The following C8orf34 variants were observed in gnomAD, a reference collection of about 807,000 sequenced individuals.
The protein encoded by C8orf34 is uncharacterized protein C8orf34.
A neutral mutation model predicts 68.3 loss-of-function variants in C8orf34; 65 were observed. The observed-to-expected ratio is 0.95, with a 90% CI of 0.78 to 1.17. The LOEUF is 1.17. Ranked by LOEUF, C8orf34 falls within the 50% of genes most tolerant of loss-of-function variation. The probability of loss-of-function intolerance (pLI) is 0.00; values close to 1 mark genes in which losing one functional copy is unlikely to be tolerated. For synonymous variants in C8orf34, 244 were observed against 241.2 expected, an observed-to-expected ratio of 1.01 and a Z score of -0.11; for missense variants, 664 against 655.4, an observed-to-expected ratio of 1.01 and a Z score of -0.14.
At chr8:68,794,793 G>A (rs1375537897) in intron 12 of C8orf34, among the ~76,000 whole-genome samples, 1 of 151,700 alleles carries the variant, frequency 6.6e-6, no homozygotes, top group Non-Finnish European at 1.5e-5. Context: ...GCCAGATTTT[G>A]GAATGTTTGT....
At chr8:68,546,514 A>G (rs186955895) in intron 7 of C8orf34, among the ~76,000 whole-genome samples, 181 of 152,060 alleles carry the variant, frequency 1.2e-3, no homozygotes, top group Non-Finnish European at 1.2e-3. Flanking sequence ...ACTAAAAAAA[A>G]AGAGACAAAT....
chr8:68,337,287 C>T (rs907545873), intron 1 of C8orf34, among the ~76,000 whole-genome samples: 5 of 152,070 alleles, frequency 3.3e-5, no homozygotes, highest in Admixed American at 1.3e-4. Context: ...ATTGTATGCC[C>T]ATGATAGGAT....
At chr8:68,780,863 A>G (rs1823655267) in intron 11 of C8orf34, among the ~76,000 whole-genome samples, 1 of 152,220 alleles carries the variant, frequency 6.6e-6, no homozygotes, top group South Asian at 2.1e-4. Context: ...AGCTGTGTAC[A>G]TAAAGGGAAT....
intron 3 of C8orf34, among the ~76,000 whole-genome samples, chr8:68,460,327 C>T (rs1025450840): frequency 6.6e-6 from 1 of 152,234 alleles, no homozygotes; most frequent in African/African-American, 2.4e-5. Flanking sequence ...CTCAAGGAGG[C>T]CTGCCTGCCT....
At chr8:68,609,873 C>A (rs1817965418) in intron 7 of C8orf34, among the ~76,000 whole-genome samples, 1 of 152,094 alleles carries the variant, frequency 6.6e-6, no homozygotes, top group Non-Finnish European at 1.5e-5. Flanking sequence ...AGTTCAAACA[C>A]AACAAAGCCA....
chr8:68,336,422 A>T (rs1380275359), intron 1 of C8orf34, among the ~76,000 whole-genome samples: 1 of 152,180 alleles, frequency 6.6e-6, no homozygotes, highest in African/African-American at 2.4e-5. Context: ...TTGAAAAAAT[A>T]TATATTCAAG....
intron 1 of C8orf34, among the ~76,000 whole-genome samples, chr8:68,339,780 A>T (rs2129617961): frequency 1.3e-5 from 2 of 152,202 alleles, no homozygotes; most frequent in African/African-American, 4.8e-5. Context: ...ACTGTAAAAA[A>T]ATCAATAAAA....
At chr8:68,414,341 A>G (rs1809570642) in intron 1 of C8orf34, among the ~76,000 whole-genome samples, 1 of 152,234 alleles carries the variant, frequency 6.6e-6, no homozygotes, top group Admixed American at 6.5e-5. Context: ...AGAGACTACT[A>G]TAAATATGTT....
At chr8:68,752,205 G>A (rs1470563550) in intron 10 of C8orf34, among the ~76,000 whole-genome samples, 1 of 152,182 alleles carries the variant, frequency 6.6e-6, no homozygotes, top group Non-Finnish European at 1.5e-5. Context: ...CTCATTTAGA[G>A]TGATCAAAAT....
Position 68,818,328 on chromosome 8 carries a change from A to G in C8orf34, c.*82A>G, listed in dbSNP as rs1046761882. ...ATGTATAGTTCTAATTTTATTTACT[A>G]TGTGTAATCATTTAGAGAATGGTTA... is the stretch of plus-strand genomic sequence containing the variant. On this transcript the variant is annotated 3_prime_UTR_variant, in exon 14 of 14. Transcript: ENST00000518698. 4.6e-5 allele frequency: 65 copies of G among 1,398,570 alleles called. No individual in the cohort carries two copies. The African/African-American group carries it at 8.1e-4, about 18-fold the overall frequency. 86.6% of individuals were successfully genotyped at this position (1,398,570 alleles called of 1,614,324 possible).
intron 7 of C8orf34, among the ~76,000 whole-genome samples, chr8:68,575,066 A>G (rs6987650): frequency 6.6e-6 from 1 of 151,676 alleles, no homozygotes. Context: ...TAAAATATAA[A>G]CTCAAAAATG....
At chr8:68,418,708 C>A (rs1461942041) in intron 1 of C8orf34, among the ~76,000 whole-genome samples, 1 of 151,962 alleles carries the variant, frequency 6.6e-6, no homozygotes, top group Non-Finnish European at 1.5e-5. Context: ...TTTGACAAAC[C>A]TGAGAAAAAC....
At chr8:68,666,223 C>T (rs1009609022) in intron 8 of C8orf34, among the ~76,000 whole-genome samples, 3 of 152,064 alleles carry the variant, frequency 2.0e-5, no homozygotes, top group Non-Finnish European at 4.4e-5. Flanking sequence ...CTGCTGCTAA[C>T]AACAATGTTA....
intron 1 of C8orf34, among the ~76,000 whole-genome samples, chr8:68,353,458 T>C (rs1039485014): frequency 6.6e-6 from 1 of 151,496 alleles, no homozygotes; most frequent in African/African-American, 2.4e-5. Context: ...TATATTTTTA[T>C]GTCTCAAATA....
At chr8:68,414,975 G>A (rs1398920534) in intron 1 of C8orf34, among the ~76,000 whole-genome samples, 4 of 152,106 alleles carry the variant, frequency 2.6e-5, no homozygotes, top group African/African-American at 9.7e-5. Context: ...CACCTGATCA[G>A]TATGTTCACT....
At chr8:68,467,013 A>C (rs961832598) in intron 3 of C8orf34, among the ~76,000 whole-genome samples, 3 of 151,856 alleles carry the variant, frequency 2.0e-5, no homozygotes, top group Admixed American at 2.0e-4. Flanking sequence ...TGAGATTTCT[A>C]CCCAACTCGG....
At chr8:68,662,930 A>G (rs747674290) in intron 8 of C8orf34, among the ~76,000 whole-genome samples, 4 of 152,222 alleles carry the variant, frequency 2.6e-5, no homozygotes. Flanking sequence ...CCTCTTTGGC[A>G]TAGAGATTAT....
chr8:68,794,470 TA>T (rs1824107591), intron 12 of C8orf34, among the ~76,000 whole-genome samples: 1 of 115,622 alleles, frequency 8.6e-6, no homozygotes, highest in African/African-American at 4.3e-5. Flanking sequence ...TTGTGCCCAG[TA>T]TATAAATATA....
intron 8 of C8orf34, 132 bp from the exon 9 acceptor site, chr8:68,708,862 G>T: frequency 1.4e-6 from 1 of 703,046 alleles, no homozygotes; most frequent in Non-Finnish European, 2.4e-6. Context: ...TAGTGAACTT[G>T]TATTTCTATT....
Sources: allele counts gnomAD v4.1 joint callset (sites outside exome capture counted in the v4.1 genomes callset), GRCh38; gene constraint gnomAD v4.1.1; transcripts MANE v1.5; gene names NCBI Gene and HGNC (gene_info 2026-07-23, HGNC 2026-07-21).